The following AKAP13 variants were observed in gnomAD, a reference collection of about 807,000 sequenced individuals.
AKAP13 encodes the protein A-kinase anchoring protein 13.
AKAP13 carries 80 observed loss-of-function variants against 264.5 expected under a neutral mutation model. The observed-to-expected ratio is 0.30, with a 90% CI of 0.25 to 0.36. The LOEUF (loss-of-function observed/expected upper bound fraction) is 0.36. AKAP13 is among the 10% of genes least tolerant of loss of function. The probability of loss-of-function intolerance (pLI) is 1.00; values close to 1 mark genes in which losing one functional copy is unlikely to be tolerated. For synonymous variants in AKAP13, 1,380 were observed against 1,250.2 expected (o/e 1.10, Z -2.19); for missense variants, 3,712 against 3,435.2 (o/e 1.08, Z -2.01).
chr15:85,544,762 A>C (rs1259247763), intron 5 of AKAP13, among the ~76,000 whole-genome samples: 2 of 152,214 alleles, frequency 1.3e-5, no homozygotes, highest in African/African-American at 4.8e-5. Context: ...TATCATCATT[A>C]TCTTTTCCAC....
intron 2 of AKAP13, among the ~76,000 whole-genome samples, chr15:85,504,986 G>A (rs1012753529): frequency 4.0e-4 from 61 of 151,548 alleles, no homozygotes; most frequent in Non-Finnish European, 6.8e-4. Context: ...GTGTGTGTGC[G>A]CACATGTGTT....
intron 1 of AKAP13, among the ~76,000 whole-genome samples, chr15:85,426,219 T>C (rs1296514807): frequency 1.3e-5 from 2 of 152,238 alleles, no homozygotes; most frequent in Non-Finnish European, 2.9e-5. Flanking sequence ...CCTCACTTAG[T>C]CTAAATGTAA....
At chr15:85,721,720 C>A (rs2087297216) in intron 23 of AKAP13, among the ~76,000 whole-genome samples, 1 of 152,216 alleles carries the variant, frequency 6.6e-6, no homozygotes, top group African/African-American at 2.4e-5. Context: ...GTGCACAGTA[C>A]ATAAAGTTTC....
Position 85,741,406 on chromosome 15 carries a change from G to T in AKAP13, c.7969G>T (p.Ala2657Ser), listed in dbSNP as rs776294448. The change falls in exon 35 of 37, where the codon GCC becomes TCC. Residue 2657 changes from alanine to serine, a missense_variant. By Grantham distance (99) the Ala-to-Ser change is moderately conservative. Around this residue, in one of 3 missense-constraint regions of AKAP13, gnomAD observed 611 missense variants for 539.3 expected, o/e 1.13. Transcript: ENST00000394518. ...YQYDLERLRAAQKQLEREQEQ... is the reference protein window; with the variant it reads ...YQYDLERLRASQKQLEREQEQ... ...GTATGACCTGGAGCGACTGCGTGCT[G>T]CCCAGAAACAGCTTGAGAGGGAACA... is the stretch of plus-strand genomic sequence containing the variant. The T allele has an allele frequency of 1.1e-5, 17 of 1,613,466 alleles. No homozygotes were observed. In the Admixed American group the frequency reaches 1.3e-4, roughly 13 times the overall value.
chr15:85,623,914 A>G (rs965431521), intron 8 of AKAP13, among the ~76,000 whole-genome samples: 2 of 152,274 alleles, frequency 1.3e-5, no homozygotes, highest in Admixed American at 1.3e-4. Context: ...CTTTGGTACC[A>G]ATATGCCCAT....
At chr15:85,421,222 T>C (rs1474049676) in intron 1 of AKAP13, among the ~76,000 whole-genome samples, 4 of 152,254 alleles carry the variant, frequency 2.6e-5, no homozygotes, top group Non-Finnish European at 5.9e-5. Flanking sequence ...AATGTTGCTT[T>C]AGAGTTCTTG....
At chr15:85,735,689 C>A (rs2088418759) in intron 32 of AKAP13, 59 bp downstream of exon 32, 2 of 1,482,906 alleles carry the variant, frequency 1.3e-6, no homozygotes, top group Admixed American at 4.2e-5. Flanking sequence ...AATTCATAAC[C>A]TTTGAAATTA....
intron 35 of AKAP13, among the ~76,000 whole-genome samples, chr15:85,743,085 C>T (rs1366946947): frequency 2.0e-5 from 3 of 152,052 alleles, no homozygotes; most frequent in South Asian, 2.1e-4. Context: ...ATCCTCTAAC[C>T]GGAACAGGCT....
intron 2 of AKAP13, among the ~76,000 whole-genome samples, chr15:85,517,225 T>G (rs1402023912): frequency 6.6e-6 from 1 of 152,190 alleles, no homozygotes; most frequent in African/African-American, 2.4e-5. Context: ...CTACAGGGCT[T>G]TCTATCTCAT....
chr15:85,625,955 A>C (rs1276982355), intron 8 of AKAP13, among the ~76,000 whole-genome samples: 1 of 152,256 alleles, frequency 6.6e-6, no homozygotes, highest in African/African-American at 2.4e-5. Context: ...TCAACTTTAC[A>C]TCTCTTAAGC....
intron 2 of AKAP13, among the ~76,000 whole-genome samples, chr15:85,494,259 A>G (rs2075812553): frequency 6.6e-6 from 1 of 152,182 alleles, no homozygotes; most frequent in Non-Finnish European, 1.5e-5. Context: ...GACTCCAGAA[A>G]CAGTAAATAA....
chr15:85,732,822 C>G (rs72750168), intron 30 of AKAP13, among the ~76,000 whole-genome samples: 9,335 of 150,688 alleles, frequency 0.062, 413 homozygotes, highest in Admixed American at 0.16. Context: ...TACTAATTTA[C>G]TAATTACTAT....
In AKAP13 at chr15:85,741,089, T is replaced by C. The variant is rs753650719; in HGVS notation, c.7652T>C (p.Leu2551Pro). The C allele has an allele frequency of 2.5e-5, 40 of 1,613,272 alleles. No homozygotes were observed. In the Admixed American group the frequency reaches 6.5e-4, roughly 26 times the overall value. Residue 2551 changes from leucine (L) to proline (P), a missense_variant, in exon 35 of 37, where the codon CTG becomes CCG. Leu to Pro is a moderately conservative substitution (Grantham distance 98). Around this residue, in one of 3 missense-constraint regions of AKAP13, gnomAD observed 611 missense variants for 539.3 expected, o/e 1.13. Transcript: ENST00000394518. Reference sequence around the variant, plus strand: ...GACAGCTACATTGAGGACCAGAAACTGGTGCTGAGCGAGAGGGCGCTCACT... The same window carrying C: ...GACAGCTACATTGAGGACCAGAAACCGGTGCTGAGCGAGAGGGCGCTCACT... Reference protein sequence around the residue: ...QQDSYIEDQKLVLSERALTRS... With the variant: ...QQDSYIEDQKPVLSERALTRS...
intron 8 of AKAP13, among the ~76,000 whole-genome samples, chr15:85,615,576 C>T (rs72760498): frequency 0.014 from 2,120 of 152,284 alleles, 23 homozygotes; most frequent in Middle Eastern, 0.034. Flanking sequence ...TACATTTTAC[C>T]ACCAACATAT....
At chr15:85,472,263 T>A (rs1411591145) in intron 1 of AKAP13, among the ~76,000 whole-genome samples, 1 of 150,934 alleles carries the variant, frequency 6.6e-6, no homozygotes, top group African/African-American at 2.4e-5. Flanking sequence ...TCCCAAGTAC[T>A]CGGGAGGCTG....
chr15:85,384,127 A>G (rs1462189427), intron 1 of AKAP13, among the ~76,000 whole-genome samples: 1 of 152,276 alleles, frequency 6.6e-6, no homozygotes, highest in Non-Finnish European at 1.5e-5. Context: ...AAGAGATTAT[A>G]GTAAACCTTT....
In AKAP13 at chr15:85,550,514, A is replaced by G. The variant is rs145747079; in HGVS notation, c.662+6559A>G. 6.3e-3 allele frequency among the ~76,000 whole-genome samples: 965 copies of G among 152,268 alleles called. 10 individuals are homozygous for G. Among genetic ancestry groups the G allele is most frequent in the African/African-American group, 0.022 (904 of 41,532 alleles). ...TGTAGGGTTAGGTGGTGGAGTGACT[A>G]CTCAAGAATACATATTTCACAATGG... On this transcript the variant is annotated intron_variant, in intron 5 of 36. Transcript: ENST00000394518.
At chr15:85,720,260 C>CTGTGTGTG (rs71141479) in intron 23 of AKAP13, among the ~76,000 whole-genome samples, 9 of 150,652 alleles carry the variant, frequency 6.0e-5, no homozygotes, top group African/African-American at 2.2e-4. Flanking sequence ...AAAACAAACT[C>CTGTGTGTG]TGTGTGTGTG....
At chr15:85,587,096 A>G (rs907283513) in intron 8 of AKAP13, among the ~76,000 whole-genome samples, 1 of 152,188 alleles carries the variant, frequency 6.6e-6, no homozygotes, top group Non-Finnish European at 1.5e-5. Context: ...CATCGCCACT[A>G]AGGCTCTAAT....
Sources: gnomAD v4.1 joint callset for allele counts (sites outside exome capture counted in the v4.1 genomes callset) on GRCh38, gnomAD v4.1.1 for gene constraint, gnomAD v4.1.1 regional missense constraint, MANE v1.5 for transcripts, NCBI Gene and HGNC (gene_info 2026-07-23, HGNC 2026-07-21) for gene names.